RADIL: variants seen among roughly 807,000 people sequenced by gnomAD.
RADIL encodes the protein Rap associating with DIL domain.
Under a neutral mutation model 97.6 loss-of-function variants are expected in RADIL, and 99 were observed. The observed-to-expected ratio is 1.01, with a 90% confidence interval of 0.86 to 1.20. The LOEUF is 1.20. Among genes scored for constraint, RADIL ranks in the 50% most tolerant of loss-of-function variants. The pLI, the probability that RADIL is intolerant of heterozygous loss-of-function variation, is 0.00. For missense variants in RADIL, 1,765 were observed against 1,498.9 expected, an observed-to-expected ratio of 1.18 and a Z score of -2.93; for synonymous variants, 803 against 691.8, an observed-to-expected ratio of 1.16 and a Z score of -2.52.
chr7:4,801,195 T>A (rs1441303538), intron 12 of RADIL, among the ~76,000 whole-genome samples: 1 of 151,950 alleles, frequency 6.6e-6, no homozygotes, highest in African/African-American at 2.4e-5. Flanking sequence ...CACACACCCA[T>A]GCACACACGC....
At position 4,855,457 on chromosome 7, in the gene RADIL, T is replaced by C. The variant is rs974109073; in HGVS notation, c.536-18852A>G. 3.3e-5 allele frequency among the ~76,000 whole-genome samples: 5 copies of C among 151,916 alleles called. No individual in the cohort carries two copies. In the South Asian group the frequency reaches 6.3e-4, roughly 19 times the overall value. On this transcript the variant is annotated intron_variant, in intron 2 of 14. Transcript: ENST00000399583. ...GGGTGAAGACCTACGAGGAGACTAATTGGAACGCAGAGTGTGGGCCCGTCA... is the reference window on the plus strand; with the variant it reads ...GGGTGAAGACCTACGAGGAGACTAACTGGAACGCAGAGTGTGGGCCCGTCA...
At chr7:4,845,043 A>G (rs1367156642) in intron 2 of RADIL, among the ~76,000 whole-genome samples, 2 of 32,626 alleles carry the variant, frequency 6.1e-5, no homozygotes, top group African/African-American at 2.8e-4. Context: ...CCTACGTAGG[A>G]AAAAAAAAAG....
At chr7:4,848,907 G>A (rs561332908) in intron 2 of RADIL, among the ~76,000 whole-genome samples, 1 of 152,250 alleles carries the variant, frequency 6.6e-6, no homozygotes, top group East Asian at 1.9e-4. Context: ...GGGAGGCCGA[G>A]GCGGGCAGAT....
intron 2 of RADIL, chr7:4,858,041 T>C (rs1352807107): frequency 6.6e-6 from 1 of 152,614 alleles, no homozygotes; most frequent in East Asian, 1.9e-4. Context: ...CCTAACGCCA[T>C]AGCCATTCAA....
chr7:4,805,392 T>G (rs1782269913), intron 10 of RADIL, 174 bp downstream of exon 10: 3 of 696,044 alleles, frequency 4.3e-6, no homozygotes, highest in Non-Finnish European at 4.1e-6. Context: ...GATCCCCAGG[T>G]TGGGGATGGG....
At chr7:4,857,479 TC>T (rs1437289800) in intron 2 of RADIL, among the ~76,000 whole-genome samples, 2 of 152,246 alleles carry the variant, frequency 1.3e-5, no homozygotes, top group Non-Finnish European at 2.9e-5. Context: ...GATCGTGTTT[TC>T]TTTTTACTCT....
In RADIL at chr7:4,842,055, C is replaced by CA. The variant is rs11319065; in HGVS notation, c.536-5451dup. Among the ~76,000 whole-genome samples, 64 of 145,026 alleles carry CA rather than the reference C, an allele frequency of 4.4e-4. No homozygotes were observed. The highest frequency in any genetic ancestry group is 1.0e-3 in the East Asian group (5 of 4,912). ...GGGCAACAGAGCAAGACCCTGTCTC[C>CA]AAAAAAAAAAAAAGATGCAACAAGG... On this transcript the variant is annotated intron_variant, in intron 2 of 14. Coordinates refer to ENST00000399583, the MANE Select transcript of RADIL (RefSeq NM_018059.5). The surrounding 1 kb of genome is among the most constrained non-coding windows in gnomAD (Gnocchi z 4.5).
chr7:4,807,036 T>C (rs1233729848), intron 9 of RADIL, among the ~76,000 whole-genome samples: 1 of 152,168 alleles, frequency 6.6e-6, no homozygotes, highest in South Asian at 2.1e-4. Flanking sequence ...GGAGACTGCC[T>C]GCACCTGCCT....
In RADIL at chr7:4,883,304, A is replaced by T. The variant is rs954700544; in HGVS notation, c.-65+292T>A. 6.6e-6 allele frequency among the ~76,000 whole-genome samples: 1 copy of T among 151,258 alleles called. No homozygotes were observed. The highest frequency in any genetic ancestry group is 1.5e-5 in the Non-Finnish European group (1 of 67,928). ...GGGGCCCACGCGGACAGCCAGGCTC[A>T]GGAGCTCTCGGGGGTCGGCAGCGCG... On this transcript the variant is annotated intron_variant, in intron 1 of 14. Transcript: ENST00000399583. The surrounding 1 kb of genome is among the most constrained non-coding windows in gnomAD (Gnocchi z 7.1).
chr7:4,874,768 A>G (rs1362170002), intron 2 of RADIL, among the ~76,000 whole-genome samples: 2 of 150,006 alleles, frequency 1.3e-5, no homozygotes, highest in Non-Finnish European at 2.9e-5. Flanking sequence ...AAAGAAGTGC[A>G]TGAGCTTGGC....
intron 4 of RADIL, among the ~76,000 whole-genome samples, chr7:4,832,419 T>C (rs1053977664): frequency 1.3e-5 from 2 of 152,182 alleles, no homozygotes; most frequent in African/African-American, 4.8e-5. Flanking sequence ...CACAACTCTC[T>C]AGCTTACATA....
intron 2 of RADIL, among the ~76,000 whole-genome samples, chr7:4,866,867 C>T (rs886345975): frequency 3.9e-5 from 6 of 152,312 alleles, no homozygotes; most frequent in Middle Eastern, 3.4e-3. Flanking sequence ...TCATGAATGG[C>T]TGGTACTGTG....
intron 13 of RADIL, 23 bp downstream of exon 13, chr7:4,800,148 G>T: frequency 6.3e-7 from 1 of 1,594,374 alleles, no homozygotes; most frequent in Non-Finnish European, 8.5e-7. Flanking sequence ...ATGGGGGTGC[G>T]GCGAGGGTCC....
rs986240688 is a variant in RADIL, at chr7:4,809,382, G to A, written c.2140-3666C>T. On this transcript the variant is annotated intron_variant, in intron 9 of 14. Coordinates refer to ENST00000399583, the MANE Select transcript of RADIL (RefSeq NM_018059.5). Reference sequence around the variant, plus strand: ...ATATCCCCGCCCGGCTGAGCGGGGGGAGGCGGAGATCCTGAGTGTCGCTGC... The same window carrying A: ...ATATCCCCGCCCGGCTGAGCGGGGGAAGGCGGAGATCCTGAGTGTCGCTGC... The A allele has an allele frequency of 1.0e-5, 10 of 985,186 alleles. No individual in the cohort carries two copies. In the African/African-American group the frequency reaches 1.4e-4, roughly 14 times the overall value. The allele number at this position is 985,186 out of a possible 1,614,324, so 61.0% of individuals were successfully genotyped here. A position where few individuals can be genotyped will look rare whatever the true frequency, so the allele number is the denominator to read the frequency against.
At chr7:4,881,414 CA>C (rs58871429) in intron 1 of RADIL, among the ~76,000 whole-genome samples, 7,090 of 81,984 alleles carry the variant, frequency 0.086, 223 homozygotes, top group African/African-American at 0.19. Context: ...GACTCCCTCT[CA>C]AAAAAAAAAA....
At position 4,816,282 on chromosome 7, in the gene RADIL, C is replaced by T. The variant is rs749390424; in HGVS notation, c.1912G>A (p.Ala638Thr). The part of the protein sequence containing the change: ...VHPEVASQML[A>T]YLFFFSGTLL... ...GTCCCGGAGAAGAAGAAGAGGTAGG[C>T]GAGCATCTGCGAGGCCACCTCGGGG... Residue 638 changes from alanine to threonine, a missense_variant, in exon 8 of 15, where the codon GCC (alanine) becomes ACC (threonine). Physicochemically the swap from Ala to Thr is moderately conservative, Grantham distance 58 (BLOSUM62 0). Transcript: ENST00000399583. The T allele has an allele frequency of 1.4e-5, 22 of 1,612,790 alleles. No homozygotes were observed. Among genetic ancestry groups the T allele is most frequent in the East Asian group, 1.3e-4 (6 of 44,860 alleles).
In RADIL at chr7:4,817,640, C is replaced by T. The variant is rs540192088; in HGVS notation, c.1616-289G>A. 6.6e-6 allele frequency among the ~76,000 whole-genome samples: 1 copy of T among 152,274 alleles called. No homozygotes were observed. The highest frequency in any genetic ancestry group is 1.9e-4 in the East Asian group (1 of 5,160). On this transcript the variant is annotated intron_variant, in intron 6 of 14. Transcript: ENST00000399583. This position sits in a 1 kb window ranked among gnomAD's most constrained non-coding sequence, Gnocchi z 8.3. ...CAGCCCAAGCGCTCATTCACTCCCA[C>T]GTTCTGGATACGTTTTCTGTTACAA... is the stretch of plus-strand genomic sequence containing the variant.
intron 4 of RADIL, among the ~76,000 whole-genome samples, chr7:4,833,223 G>A (rs1783197694): frequency 6.6e-6 from 1 of 152,232 alleles, no homozygotes; most frequent in African/African-American, 2.4e-5. Context: ...GACATGGGGT[G>A]TGGCATCTAC....
In RADIL at chr7:4,834,943, C is replaced by T; in HGVS notation, c.1080G>A (p.Gln360=). Residue 360 remains glutamine (Q), a synonymous_variant, in exon 4 of 15, where the codon CAG becomes CAA. Transcript: ENST00000399583. This position sits in a 1 kb window ranked among gnomAD's most constrained non-coding sequence, Gnocchi z 6.0. ...AGGCCCGGGCGGGCAGGGGCTGGGC[C>T]TGCGCGGGGTCCTTGAATAGCAGCA... ...YYLLLFKDPA[Q]AQPLPARALA... 1 of 1,599,682 alleles carries T rather than the reference C, an allele frequency of 6.3e-7. No homozygotes were observed. The highest frequency in any genetic ancestry group is 8.5e-7 in the Non-Finnish European group (1 of 1,173,662).
Sources: gnomAD v4.1 joint callset for allele counts (sites outside exome capture counted in the v4.1 genomes callset) on GRCh38, gnomAD v4.1.1 for gene constraint, Gnocchi (gnomAD v3.1) non-coding constraint, MANE v1.5 for transcripts, NCBI Gene and HGNC (gene_info 2026-07-23, HGNC 2026-07-21) for gene names.